BCKDHB: variants seen among roughly 807,000 people sequenced by gnomAD.
BCKDHB encodes branched chain keto acid dehydrogenase E1 subunit beta, also known as 2-oxoisovalerate dehydrogenase subunit beta, mitochondrial.
In BCKDHB, 41 loss-of-function variants were observed where a neutral mutation model predicts 48.5. The ratio of observed to expected loss-of-function variants is 0.85; its 90% CI spans 0.66 to 1.10. The LOEUF (loss-of-function observed/expected upper bound fraction) is 1.10, where lower values mean the gene tolerates loss of function less well. Among genes scored for constraint, BCKDHB ranks in the 50% least tolerant of loss-of-function variants. The probability of loss-of-function intolerance (pLI) is 0.00; values close to 1 mark genes in which losing one functional copy is unlikely to be tolerated. For missense variants in BCKDHB, 496 were observed against 494.2 expected, an observed-to-expected ratio of 1.00 and a Z score of -0.03; for synonymous variants, 201 against 174.8, an observed-to-expected ratio of 1.15 and a Z score of -1.18.
At chr6:80,132,998 G>T (rs1232386407) in intron 3 of BCKDHB, among the ~76,000 whole-genome samples, 1 of 152,132 alleles carries the variant, frequency 6.6e-6, no homozygotes, top group Admixed American at 6.5e-5. Flanking sequence ...ATAACTAAAA[G>T]ATTATGTTGA....
chr6:80,133,062 A>T (rs1241175657), intron 3 of BCKDHB, among the ~76,000 whole-genome samples: 1 of 152,192 alleles, frequency 6.6e-6, no homozygotes, highest in African/African-American at 2.4e-5. Flanking sequence ...TAGCAAAGAA[A>T]ACCCTTGTGC....
chr6:80,194,555 G>C (rs1264395563), intron 6 of BCKDHB, among the ~76,000 whole-genome samples: 1 of 152,044 alleles, frequency 6.6e-6, no homozygotes, highest in Non-Finnish European at 1.5e-5. Context: ...TGTCTGTCAT[G>C]GTCGCCACAT....
intron 8 of BCKDHB, among the ~76,000 whole-genome samples, chr6:80,207,823 C>T (rs1345602971): frequency 6.6e-6 from 1 of 151,756 alleles, no homozygotes; most frequent in Non-Finnish European, 1.5e-5. Flanking sequence ...TCTATTTCAT[C>T]CTTAATAACA....
At chr6:80,329,793 T>C (rs1562233883) in intron 9 of BCKDHB, among the ~76,000 whole-genome samples, 1 of 152,146 alleles carries the variant, frequency 6.6e-6, no homozygotes, top group Non-Finnish European at 1.5e-5. Context: ...TAGAAAGCCC[T>C]TTCCTGAGCA....
chr6:80,197,405 T>C (rs3805918), intron 6 of BCKDHB, among the ~76,000 whole-genome samples: 19,292 of 152,150 alleles, frequency 0.13, 2,205 homozygotes, highest in African/African-American at 0.3. Flanking sequence ...TATGGTGTTT[T>C]TAAAATAGAG....
At chr6:80,269,054 T>G (rs916799965) in intron 8 of BCKDHB, among the ~76,000 whole-genome samples, 1 of 152,118 alleles carries the variant, frequency 6.6e-6, no homozygotes, top group Non-Finnish European at 1.5e-5. Flanking sequence ...AAACGATTTG[T>G]TTTAATGGAG....
In BCKDHB at chr6:80,106,824, A is replaced by T; in HGVS notation, c.131A>T (p.Asp44Val). Reference protein sequence around the residue: ...GFLHPAATVEDAAQRRQVAHF... With the variant: ...GFLHPAATVEVAAQRRQVAHF... ...TTGCACCCCGCCGCGACTGTCGAGG[A>T]TGCGGCCCAGAGGCGGCAGGTGGCT... Residue 44 changes from aspartate to valine, a missense_variant, in exon 1 of 10, where the codon GAT becomes GTT. Transcript: ENST00000320393. 1 of 1,609,940 alleles carries T rather than the reference A, an allele frequency of 6.2e-7. No individual in the cohort carries two copies. Among genetic ancestry groups the T allele is most frequent in the Non-Finnish European group, 8.5e-7 (1 of 1,178,714 alleles).
chr6:80,146,616 A>G (rs1290856888), intron 3 of BCKDHB, among the ~76,000 whole-genome samples: 4 of 152,172 alleles, frequency 2.6e-5, no homozygotes, highest in Admixed American at 6.6e-5. Context: ...TTGGAAAAAC[A>G]GAATCTGGAG....
chr6:80,142,847 C>G (rs1232471740), intron 3 of BCKDHB, among the ~76,000 whole-genome samples: 1 of 152,012 alleles, frequency 6.6e-6, no homozygotes, highest in African/African-American at 2.4e-5. Flanking sequence ...CTTAGATTAG[C>G]TTAGATCAGT....
intron 9 of BCKDHB, among the ~76,000 whole-genome samples, chr6:80,323,182 T>C (rs1447978573): frequency 6.6e-6 from 1 of 152,190 alleles, no homozygotes; most frequent in Non-Finnish European, 1.5e-5. Flanking sequence ...TAATGTCACA[T>C]GCTTAATACC....
intron 3 of BCKDHB, among the ~76,000 whole-genome samples, chr6:80,132,866 T>C (rs1259852268): frequency 1.3e-5 from 2 of 152,214 alleles, no homozygotes; most frequent in East Asian, 1.9e-4. Context: ...TTTTCTTGCA[T>C]ATTTAAAAAG....
chr6:80,119,624 A>G (rs973308722), intron 1 of BCKDHB, among the ~76,000 whole-genome samples: 15 of 152,304 alleles, frequency 9.8e-5, no homozygotes, highest in East Asian at 5.8e-4. Flanking sequence ...CGCCTGGCCA[A>G]TGTTGACATT....
intron 1 of BCKDHB, among the ~76,000 whole-genome samples, chr6:80,125,017 C>T (rs1770267801): frequency 1.3e-5 from 2 of 152,162 alleles, no homozygotes. Flanking sequence ...TTCTCTTTAG[C>T]TATGAAAATC....
chr6:80,236,736 A>G (rs1776162791), intron 8 of BCKDHB, among the ~76,000 whole-genome samples: 1 of 152,210 alleles, frequency 6.6e-6, no homozygotes. Context: ...CTCTTAACCA[A>G]TATTCTATGC....
chr6:80,323,067 G>C (rs1176782995), intron 9 of BCKDHB, among the ~76,000 whole-genome samples: 1 of 151,988 alleles, frequency 6.6e-6, no homozygotes. Context: ...CATGCAAAGT[G>C]CATAACTGGA....
chr6:80,133,253 A>C (rs888538014), intron 3 of BCKDHB, among the ~76,000 whole-genome samples: 1 of 152,224 alleles, frequency 6.6e-6, no homozygotes, highest in Non-Finnish European at 1.5e-5. Flanking sequence ...GGTTACTGAC[A>C]TACGTTGTAA....
At chr6:80,376,166 G>T in the BCKDHB span, among the ~76,000 whole-genome samples, 3 of 152,080 alleles carry the variant, frequency 2.0e-5, no homozygotes, top group East Asian at 5.8e-4. Flanking sequence ...CAGACTCTCT[G>T]GGTGGGGCTT....
intron 7 of BCKDHB, among the ~76,000 whole-genome samples, chr6:80,202,843 C>T (rs1774459141): frequency 6.6e-6 from 1 of 152,036 alleles, no homozygotes; most frequent in African/African-American, 2.4e-5. Flanking sequence ...TTACCTTCTA[C>T]ATGCCATCTT....
intron 3 of BCKDHB, among the ~76,000 whole-genome samples, chr6:80,166,877 C>T (rs1291555849): frequency 2.6e-5 from 4 of 152,054 alleles, no homozygotes; most frequent in African/African-American, 9.7e-5. Flanking sequence ...CTTTGTATGT[C>T]AGTTAGGCCA....
Sources: allele counts gnomAD v4.1 joint callset (sites outside exome capture counted in the v4.1 genomes callset), GRCh38; gene constraint gnomAD v4.1.1; transcripts MANE v1.5; gene names NCBI Gene and HGNC (gene_info 2026-07-23, HGNC 2026-07-21).